Variants in MDN1 observed in about 807,000 individuals in gnomAD.
MDN1 encodes midasin AAA ATPase 1.
In MDN1, 266 loss-of-function variants were observed where a neutral mutation model predicts 669.2. The ratio of observed to expected loss-of-function variants is 0.40; its 90% confidence interval spans 0.36 to 0.44. The LOEUF is 0.44. Among genes scored for constraint, MDN1 ranks in the 20% least tolerant of loss-of-function variants. MDN1 has a pLI of 1.00. For synonymous variants in MDN1, 2,385 were observed against 2,457.1 expected, an observed-to-expected ratio of 0.97 and a Z score of 0.87; for missense variants, 5,940 against 6,754.0, an observed-to-expected ratio of 0.88 and a Z score of 4.22.
At chr6:89,743,089 G>GAAA in intron 31 of MDN1, 61 bp downstream of exon 31, 3 of 1,234,188 alleles carry the variant, frequency 2.4e-6, no homozygotes, top group South Asian at 1.4e-5. Context: ...GTCTCAGGGA[G>GAAA]AAAAAAAAAA....
chr6:89,666,481 G>A (rs1005941353), intron 84 of MDN1, among the ~76,000 whole-genome samples: 1 of 151,672 alleles, frequency 6.6e-6, no homozygotes, highest in Non-Finnish European at 1.5e-5. Context: ...GCCAGGCTGG[G>A]TTTTGTTTTT....
rs748641567 is a variant in MDN1, at chr6:89,658,658, A to C, written c.14973T>G (p.Asp4991Glu). The change falls in exon 89 of 102, where the codon GAT becomes GAG. Residue 4991 changes from aspartate to glutamate, a missense_variant. Coordinates refer to ENST00000369393, the MANE Select transcript of MDN1 (RefSeq NM_014611.3). ...QSVEEKDKEA[D>E]EEGGENGPAD... ...CAGGGCCATTCTCTCCACCTTCTTC[A>C]TCGGCTTCCTTGTCTTTTTCCTCCA... The C allele has an allele frequency of 2.4e-5, 38 of 1,613,160 alleles. No homozygotes were observed. In the Admixed American group the frequency reaches 6.0e-4, roughly 25 times the overall value.
chr6:89,683,794 C>T, intron 72 of MDN1, 37 bp downstream of exon 72: 1 of 1,512,442 alleles, frequency 6.6e-7, no homozygotes, highest in East Asian at 2.3e-5. Context: ...AAATTCTATT[C>T]TATTTTGGTT....
intron 83 of MDN1, among the ~76,000 whole-genome samples, chr6:89,669,153 G>T (rs1247050619): frequency 1.3e-5 from 2 of 152,066 alleles, no homozygotes; most frequent in African/African-American, 4.8e-5. Context: ...ATTCCTACCC[G>T]CAACAGACAA....
chr6:89,814,890 T>C (rs1768708932), intron 1 of MDN1: 3 of 495,120 alleles, frequency 6.1e-6, no homozygotes, highest in South Asian at 4.6e-5. Flanking sequence ...TAGAAACCCC[T>C]AGAAACCAGG....
intron 55 of MDN1, among the ~76,000 whole-genome samples, chr6:89,701,290 G>A (rs1813143844): frequency 6.6e-6 from 1 of 152,184 alleles, no homozygotes; most frequent in Non-Finnish European, 1.5e-5. Flanking sequence ...ATTGTATGAG[G>A]TACTGTAAGT....
chr6:89,686,653 G>A (rs997580149), intron 69 of MDN1, among the ~76,000 whole-genome samples: 1 of 152,170 alleles, frequency 6.6e-6, no homozygotes, highest in African/African-American at 2.4e-5. Context: ...CTTATCCTAC[G>A]ACTGGTTCTC....
intron 12 of MDN1, among the ~76,000 whole-genome samples, chr6:89,776,299 T>G (rs1380793256): frequency 6.6e-6 from 1 of 151,956 alleles, no homozygotes; most frequent in African/African-American, 2.4e-5. Context: ...CCATCTCTAC[T>G]AAAAATACGA....
chr6:89,745,699 A>T (rs2128317831), intron 27 of MDN1, 73 bp from the exon 28 acceptor site: 1 of 1,438,430 alleles, frequency 7.0e-7, no homozygotes, highest in Middle Eastern at 2.2e-4. Flanking sequence ...GATATGGAGA[A>T]TATGAAACAA....
rs373592930 is a variant in MDN1, at chr6:89,819,623, C to T, written c.-16G>A. The T allele has an allele frequency of 5.0e-6, 8 of 1,596,966 alleles. No individual in the cohort carries two copies. Among genetic ancestry groups the T allele is most frequent in the Non-Finnish European group, 6.8e-6 (8 of 1,177,038 alleles). ...AGTGCTCCATGACCCAGGGCCCTCA[C>T]CCCGAGCGGCCACCTGCGCTCCCTA... On this transcript the variant is annotated 5_prime_UTR_variant, in exon 1 of 102. The change creates a new upstream start codon in the 5' untranslated region. Transcript: ENST00000369393.
Position 89,819,781 on chromosome 6 carries a change from C to T in MDN1, c.-174G>A. ...GCACCACACGTGGGTGAGCACACGG[C>T]GTTTGACGTCATCAGCTCGGGACGG... is the stretch of plus-strand genomic sequence containing the variant. On this transcript the variant is annotated 5_prime_UTR_variant, in exon 1 of 102. Transcript: ENST00000369393. 1.7e-6 allele frequency: 1 copy of T among 598,828 alleles called. No homozygotes were observed. The allele number at this position is 598,828 out of a possible 1,614,324, so 37.1% of individuals were successfully genotyped here. A position where few individuals can be genotyped will look rare whatever the true frequency, so the allele number is the denominator to read the frequency against.
rs183719011 is a variant in MDN1, at chr6:89,697,396, A to G, written c.9169-822T>C. ...AGAAATTTTTTAAAAGCATGACACT[A>G]AAGTCAATAAGTAGAAGGGACTGGC... On this transcript the variant is annotated intron_variant, in intron 59 of 101. Transcript: ENST00000369393. Among the ~76,000 whole-genome samples the G allele has an allele frequency of 4.4e-4, 67 of 152,312 alleles. No homozygotes were observed. In the East Asian group the frequency reaches 0.012, roughly 27 times the overall value.
rs1396459476 is a variant in MDN1 at position 89,793,929 on chromosome 6, C to T, written c.688G>A (p.Asp230Asn). 1.2e-6 allele frequency: 2 copies of T among 1,613,548 alleles called. No homozygotes were observed. Among genetic ancestry groups the T allele is most frequent in the South Asian group, 2.2e-5 (2 of 91,064 alleles). The stretch of plus-strand genomic sequence containing the variant: ...GCCAAAACCAAGGCCTTCTCCAAGT[C>T]CTGCAACTGGGCCTCTTCTAATAAC... ...LRLLEEAQLQ[D>N]LEKALVLANP... The change falls in exon 5 of 102, where the codon GAC becomes AAC. Residue 230 changes from aspartate (D) to asparagine (N), a missense_variant. Physicochemically the swap from Asp to Asn is conservative, Grantham distance 23. Around this residue, in one of 5 missense-constraint regions of MDN1, gnomAD observed 1,203 missense variants for 1,268.9 expected, o/e 0.95. Coordinates refer to ENST00000369393, the MANE Select transcript of MDN1 (RefSeq NM_014611.3).
intron 1 of MDN1, among the ~76,000 whole-genome samples, chr6:89,816,371 G>A (rs1210960898): frequency 6.6e-6 from 1 of 151,978 alleles, no homozygotes; most frequent in Admixed American, 6.6e-5. Context: ...CTGCAGTCCA[G>A]CCTGGGTGAC....
chr6:89,756,838 G>A (rs993630520), intron 19 of MDN1, among the ~76,000 whole-genome samples: 16 of 151,590 alleles, frequency 1.1e-4, no homozygotes, highest in Non-Finnish European at 2.1e-4. Context: ...GGAGAATGGC[G>A]TGAACCCAGG....
chr6:89,657,548 C>T (rs1809404801), intron 90 of MDN1, among the ~76,000 whole-genome samples: 3 of 152,150 alleles, frequency 2.0e-5, no homozygotes, highest in South Asian at 4.1e-4. Flanking sequence ...AGCAAAACAC[C>T]GTTAAAGGTA....
Position 89,658,685 on chromosome 6 carries a change from A to T in MDN1, c.14946T>A (p.Ser4982=). Residue 4982 remains serine, a synonymous_variant, in exon 89 of 102, where the codon TCT becomes TCA. Transcript: ENST00000369393. ...CGGCTTCCTTGTCTTTTTCCTCCAC[A>T]GACTGCTGCTGCTCCTCAGAGTGTT... ...PEEHSEEQQQ[S]VEEKDKEADE... is the part of the protein sequence containing the mutation. 1 of 1,614,082 alleles carries T rather than the reference A, an allele frequency of 6.2e-7. No individual in the cohort carries two copies. Among genetic ancestry groups the T allele is most frequent in the East Asian group, 2.2e-5 (1 of 44,880 alleles).
chr6:89,814,350 A>C (rs1768662011), intron 1 of MDN1, among the ~76,000 whole-genome samples: 12 of 151,938 alleles, frequency 7.9e-5, no homozygotes, highest in Admixed American at 7.9e-4. Flanking sequence ...GCAAACCCTG[A>C]AAGAAGTATT....
chr6:89,779,370 T>C (rs964374829), intron 11 of MDN1, among the ~76,000 whole-genome samples: 3 of 152,180 alleles, frequency 2.0e-5, no homozygotes, highest in African/African-American at 7.2e-5. Context: ...CTAGAATGGT[T>C]AAGTCCTGTG....
Sources: allele counts gnomAD v4.1 joint callset (sites outside exome capture counted in the v4.1 genomes callset), GRCh38; gene constraint gnomAD v4.1.1; regional missense constraint gnomAD v4.1.1; transcripts MANE v1.5; gene names NCBI Gene and HGNC (gene_info 2026-07-23, HGNC 2026-07-21).